The following PUM1 variants were observed in gnomAD, a reference collection of about 807,000 sequenced individuals.
The protein encoded by PUM1 is pumilio homolog 1.
A neutral mutation model predicts 131.8 loss-of-function variants in PUM1; 13 were observed. That is an observed-to-expected ratio of 0.10 (90% CI 0.06 to 0.16). The LOEUF is 0.16. Among genes scored for constraint, PUM1 ranks in the 10% least tolerant of loss-of-function variants. The pLI is 1.00. For synonymous variants in PUM1, 509 were observed against 556.5 expected (o/e 0.91, Z 1.20); for missense variants, 961 against 1,512.4 (o/e 0.64, Z 6.05).
At chr1:31,010,783 A>G (rs561881876) in intron 3 of PUM1, among the ~76,000 whole-genome samples, 19 of 152,360 alleles carry the variant, frequency 1.2e-4, no homozygotes, top group Admixed American at 1.0e-3. Flanking sequence ...AGTTGAAATC[A>G]TGACTGCAGC....
chr1:31,027,891 T>A (rs10914250), intron 3 of PUM1, among the ~76,000 whole-genome samples: 1 of 151,976 alleles, frequency 6.6e-6, no homozygotes, highest in Non-Finnish European at 1.5e-5. Context: ...CTCCCTCTTG[T>A]GAAATATTAA....
At chr1:31,048,665 G>A (rs1460198777) in intron 2 of PUM1, among the ~76,000 whole-genome samples, 6 of 150,954 alleles carry the variant, frequency 4.0e-5, no homozygotes, top group African/African-American at 1.2e-4. Context: ...TAGTAGAGAC[G>A]GGGTTTCACT....
At chr1:31,065,045 A>C (rs1183292122) in intron 1 of PUM1, among the ~76,000 whole-genome samples, 3 of 152,156 alleles carry the variant, frequency 2.0e-5, no homozygotes, top group Non-Finnish European at 4.4e-5. Flanking sequence ...GAGCCTAAAA[A>C]GCATTCTGAA....
chr1:31,029,913 CAAAAAA>C (rs10592751), intron 2 of PUM1, among the ~76,000 whole-genome samples: 6 of 120,028 alleles, frequency 5.0e-5, no homozygotes, highest in Admixed American at 9.1e-5. Flanking sequence ...GATCCTTTTT[CAAAAAA>C]AAAAAAAAAA....
chr1:30,950,797 G>A (rs1334239776), intron 16 of PUM1, among the ~76,000 whole-genome samples: 4 of 152,172 alleles, frequency 2.6e-5, no homozygotes, highest in Non-Finnish European at 5.9e-5. Context: ...GGCGGCAGAG[G>A]TTACAGTGAG....
intron 3 of PUM1, among the ~76,000 whole-genome samples, chr1:31,026,338 TTC>T (rs964302959): frequency 2.0e-5 from 3 of 151,908 alleles, no homozygotes; most frequent in African/African-American, 7.3e-5. Context: ...GCAAAAAAAA[TTC>T]TCTTAATCTG....
intron 3 of PUM1, among the ~76,000 whole-genome samples, chr1:31,016,848 T>C (rs1307044374): frequency 6.6e-6 from 1 of 152,220 alleles, no homozygotes; most frequent in Non-Finnish European, 1.5e-5. Flanking sequence ...CTTTAATCTG[T>C]TGCATAATTA....
intron 2 of PUM1, among the ~76,000 whole-genome samples, chr1:31,033,440 C>A (rs954074632): frequency 7.2e-6 from 1 of 139,470 alleles, no homozygotes; most frequent in Non-Finnish European, 1.5e-5. Context: ...GGCCGGACTG[C>A]GGACTGCAGT....
intron 7 of PUM1, among the ~76,000 whole-genome samples, chr1:30,989,571 C>CAA (rs1174565063): frequency 0.09 from 2,488 of 27,654 alleles, 455 homozygotes; most frequent in African/African-American, 0.16. Context: ...GACTCCGTCT[C>CAA]AAAAAAAAAA....
At chr1:31,028,154 C>T (rs898628128) in intron 3 of PUM1, among the ~76,000 whole-genome samples, 2 of 152,136 alleles carry the variant, frequency 1.3e-5, no homozygotes, top group Non-Finnish European at 2.9e-5. Flanking sequence ...TACAGCAACC[C>T]TCTCTATTGA....
At chr1:31,007,828 G>A (rs981066145) in intron 3 of PUM1, among the ~76,000 whole-genome samples, 1 of 152,178 alleles carries the variant, frequency 6.6e-6, no homozygotes, top group Admixed American at 6.5e-5. Context: ...GTTTATACTA[G>A]CTTCAACAAA....
At chr1:31,005,818 A>G in intron 5 of PUM1, 35 bp downstream of exon 5, 1 of 1,457,570 alleles carries the variant, frequency 6.9e-7, no homozygotes, top group Non-Finnish European at 9.2e-7. Context: ...AGAGAGAGAG[A>G]GAGAGATAGG....
intron 3 of PUM1, among the ~76,000 whole-genome samples, chr1:31,026,329 C>CA (rs1431376035): frequency 7.3e-5 from 11 of 151,314 alleles, no homozygotes; most frequent in East Asian, 5.8e-4. Flanking sequence ...CCCGTTGCTG[C>CA]AAAAAAAATT....
chr1:31,058,004 G>A (rs895122850), intron 2 of PUM1, among the ~76,000 whole-genome samples: 2 of 152,054 alleles, frequency 1.3e-5, no homozygotes, highest in South Asian at 2.1e-4. Flanking sequence ...CAGGAAACAT[G>A]GATAAGGCTA....
chr1:31,043,895 CT>C (rs1375914340), intron 2 of PUM1, among the ~76,000 whole-genome samples: 2 of 152,052 alleles, frequency 1.3e-5, no homozygotes, highest in Middle Eastern at 3.2e-3. Flanking sequence ...GCACCTGCCC[CT>C]AGTGAAGAAA....
chr1:30,997,672 C>T (rs949218310), intron 5 of PUM1, among the ~76,000 whole-genome samples: 1 of 152,126 alleles, frequency 6.6e-6, no homozygotes. Flanking sequence ...CTCAGCTCTT[C>T]TACATGCTGA....
intron 9 of PUM1, among the ~76,000 whole-genome samples, chr1:30,978,882 T>C (rs1363648306): frequency 6.6e-6 from 1 of 152,114 alleles, no homozygotes; most frequent in African/African-American, 2.4e-5. Flanking sequence ...GAGGACTGCT[T>C]GAGCCCGAGA....
intron 2 of PUM1, among the ~76,000 whole-genome samples, chr1:31,041,717 TAA>T (rs1643821509): frequency 6.6e-6 from 1 of 152,144 alleles, no homozygotes; most frequent in South Asian, 2.1e-4. Context: ...CTGCCATGAG[TAA>T]AAGTGTCCTG....
intron 10 of PUM1, 67 bp from the exon 11 acceptor site, chr1:30,968,559 AGGTTG>A: frequency 1.3e-6 from 2 of 1,511,102 alleles, no homozygotes; most frequent in Non-Finnish European, 1.8e-6. Context: ...CCCTATGCTC[AGGTTG>A]GGTCAACTTT....
Sources: gnomAD v4.1 joint callset for allele counts (sites outside exome capture counted in the v4.1 genomes callset) on GRCh38, gnomAD v4.1.1 for gene constraint, MANE v1.5 for transcripts, NCBI Gene and HGNC (gene_info 2026-07-23, HGNC 2026-07-21) for gene names.